TUBD1: variants seen among roughly 807,000 people sequenced by gnomAD.
The protein encoded by TUBD1 is tubulin delta 1, also known as tubulin delta chain.
TUBD1 carries 38 observed loss-of-function variants against 51.2 expected under a neutral mutation model. The observed-to-expected ratio is 0.74, with a 90% confidence interval of 0.57 to 0.97. The LOEUF is 0.97. TUBD1 is among the 50% of genes least tolerant of loss of function. The pLI, the probability that TUBD1 is intolerant of heterozygous loss-of-function variation, is 0.00. For missense variants in TUBD1, 489 were observed against 538.4 expected (o/e 0.91, Z 0.91); for synonymous variants, 169 against 178.2 (o/e 0.95, Z 0.41).
chr17:59,866,235 T>C (rs1318573995), intron 7 of TUBD1, among the ~76,000 whole-genome samples: 1 of 115,040 alleles, frequency 8.7e-6, no homozygotes, highest in East Asian at 2.5e-4. Flanking sequence ...ACAATTCTTT[T>C]TTTTTTTTTT....
intron 8 of TUBD1, 42 bp from the exon 9 acceptor site, chr17:59,860,466 A>G: frequency 7.5e-7 from 1 of 1,325,330 alleles, no homozygotes; most frequent in Non-Finnish European, 1.1e-6. Flanking sequence ...AAAATAAAAA[A>G]TGTCTGGCAA....
intron 5 of TUBD1, 57 bp from the exon 6 acceptor site, chr17:59,874,760 G>T: frequency 7.0e-7 from 1 of 1,432,954 alleles, no homozygotes; most frequent in Non-Finnish European, 9.7e-7. Flanking sequence ...GTTGCCAATA[G>T]TCTATATATA....
chr17:59,872,694 A>ATGTGTGTGTGTGTGTGTGTGTGTGTGTG (rs60720420), intron 6 of TUBD1, among the ~76,000 whole-genome samples: 3 of 142,730 alleles, frequency 2.1e-5, no homozygotes, highest in African/African-American at 7.8e-5. Flanking sequence ...GAAAATGGGA[A>ATGTGTGTGTGTGTGTGTGTGTGTGTGTG]TGTGTGTGTG....
chr17:59,866,096 G>GT (rs1434860228), intron 7 of TUBD1, among the ~76,000 whole-genome samples: 6 of 125,318 alleles, frequency 4.8e-5, no homozygotes, highest in Non-Finnish European at 9.5e-5. Context: ...GGGCAACAGA[G>GT]TGAGACCCCG....
chr17:59,868,444 C>T (rs2039817193), intron 6 of TUBD1, among the ~76,000 whole-genome samples: 1 of 151,958 alleles, frequency 6.6e-6, no homozygotes, highest in East Asian at 1.9e-4. Flanking sequence ...GCCTGTAATC[C>T]CAGCACTTTG....
chr17:59,891,710 T>C (rs375185670), intron 1 of TUBD1: 1 of 152,340 alleles, frequency 6.6e-6, no homozygotes, highest in Non-Finnish European at 1.5e-5. Flanking sequence ...GGCTCACACC[T>C]GTAATCCCAG....
At chr17:59,889,381 GAGAGGCTGGGCAC>G (rs71145586) in intron 2 of TUBD1, among the ~76,000 whole-genome samples, 21,354 of 150,728 alleles carry the variant, frequency 0.14, 1,665 homozygotes, top group Middle Eastern at 0.19. Flanking sequence ...AGAAAAGAAA[GAGAGGCTGGGCAC>G]AGTGGCTCAC....
intron 3 of TUBD1, among the ~76,000 whole-genome samples, chr17:59,883,253 A>G (rs922200358): frequency 6.9e-6 from 1 of 144,278 alleles, no homozygotes; most frequent in African/African-American, 2.6e-5. Context: ...AGGCCACCAC[A>G]CCCATCTAAT....
At chr17:59,881,153 T>C in intron 3 of TUBD1, 43 bp from the exon 4 acceptor site, 1 of 1,440,132 alleles carries the variant, frequency 6.9e-7, no homozygotes, top group Non-Finnish European at 9.8e-7. Context: ...CTTTTCAATT[T>C]AACCACAGAT....
At chr17:59,884,396 T>C (rs1598565673) in intron 3 of TUBD1, among the ~76,000 whole-genome samples, 2 of 151,968 alleles carry the variant, frequency 1.3e-5, no homozygotes, top group African/African-American at 2.4e-5. Context: ...GTGGATCACC[T>C]GAGGTCAAGA....
chr17:59,886,955 C>CG (rs1218066922), intron 2 of TUBD1, among the ~76,000 whole-genome samples: 3 of 151,920 alleles, frequency 2.0e-5, no homozygotes, highest in African/African-American at 7.3e-5. Context: ...GAGGCCGAGG[C>CG]GGGCGGATCA....
In TUBD1 at chr17:59,886,213, C is replaced by T. The variant is rs750153932; in HGVS notation, c.190G>A (p.Val64Ile). 8 of 1,610,984 alleles carry T rather than the reference C, an allele frequency of 5.0e-6. No homozygotes were observed. The African/African-American group carries it at 1.1e-4, about 22-fold the overall frequency. The change falls in exon 3 of 9, where the codon GTT (valine) becomes ATT (isoleucine). Residue 64 changes from valine to isoleucine, a missense_variant. By Grantham distance (29) the Val-to-Ile change is conservative. Coordinates refer to ENST00000325752, the MANE Select transcript of TUBD1 (RefSeq NM_016261.4). ...EENGVPIARA[V>I]LVDMEPKVIN... ...ACTTTGGGTTCCATGTCAACAAGAACAGCCCGGGCAATTGGAACTAGAGGG... is the reference window on the plus strand; with the variant it reads ...ACTTTGGGTTCCATGTCAACAAGAATAGCCCGGGCAATTGGAACTAGAGGG...
In TUBD1 at chr17:59,878,273, G is replaced by A. The variant is rs1187732511; in HGVS notation, c.599C>T (p.Ala200Val). 3 of 1,613,910 alleles carry A rather than the reference G, an allele frequency of 1.9e-6. No homozygotes were observed. The highest frequency in any genetic ancestry group is 2.5e-6 in the Non-Finnish European group (3 of 1,180,012). The change falls in exon 5 of 9, where the codon GCC becomes GTC. Residue 200 changes from alanine to valine, a missense_variant. Coordinates refer to ENST00000325752, the MANE Select transcript of TUBD1 (RefSeq NM_016261.4). ...GGCATCATTCTCATGAAGAAGGAGG[G>A]CGTCTGAAGATCGGTACAAGTGAGA... is the stretch of plus-strand genomic sequence containing the variant. ...TLSHLYRSSD[A>V]LLLHENDAIH...
At chr17:59,865,311 C>G (rs923936325) in intron 7 of TUBD1, among the ~76,000 whole-genome samples, 1 of 152,122 alleles carries the variant, frequency 6.6e-6, no homozygotes, top group African/African-American at 2.4e-5. Flanking sequence ...AATCCCAGCA[C>G]TATGGGAGGC....
intron 3 of TUBD1, among the ~76,000 whole-genome samples, chr17:59,882,611 T>G (rs2040539194): frequency 6.6e-6 from 1 of 152,070 alleles, no homozygotes; most frequent in South Asian, 2.1e-4. Flanking sequence ...TCTTTTTTCC[T>G]TTTTGAGTTA....
chr17:59,868,838 AAAAT>A (rs553719952), intron 6 of TUBD1, among the ~76,000 whole-genome samples: 5 of 151,688 alleles, frequency 3.3e-5, no homozygotes, highest in South Asian at 4.2e-4. Flanking sequence ...TCCATCTCAA[AAAAT>A]AAATAAATAA....
rs1352695223 is a variant in TUBD1 at position 59,870,389 on chromosome 17, A to C, written c.935-3640T>G. Among the ~76,000 whole-genome samples the C allele has an allele frequency of 2.0e-4, 16 of 80,386 alleles. 1 individual carries two copies. Among genetic ancestry groups the C allele is most frequent in the South Asian group, 3.1e-4 (1 of 3,190 alleles). The allele number at this position is 80,386 out of a possible 152,430, so 52.7% of individuals were successfully genotyped here. ...CCATCTCACAAAAAAAAAAAAAAAA[A>C]AAAAAAAAAAAAAAAAAATCAAAGT... is the stretch of plus-strand genomic sequence containing the variant. On this transcript the variant is annotated intron_variant, in intron 6 of 8. Coordinates refer to ENST00000325752, the MANE Select transcript of TUBD1 (RefSeq NM_016261.4).
intron 7 of TUBD1, among the ~76,000 whole-genome samples, chr17:59,864,321 T>A (rs531184711): frequency 6.6e-6 from 1 of 151,454 alleles, no homozygotes; most frequent in Non-Finnish European, 1.5e-5. Flanking sequence ...AATTGTTGTA[T>A]TTTTTGTAGA....
rs768027211 is a variant in TUBD1, at chr17:59,886,110, T to C, written c.293A>G (p.Gln98Arg). 10 of 1,614,094 alleles carry C rather than the reference T, an allele frequency of 6.2e-6. No individual in the cohort carries two copies. The Admixed American group carries it at 1.5e-4, about 24-fold the overall frequency. ...YGQHACFCQK[Q>R]GSGNNWAYGY... ...ATATGCCCAGTTGTTTCCAGAACCTTGTTTTTGACAGAAGCATGCATGTTG... is the reference window on the plus strand; with the variant it reads ...ATATGCCCAGTTGTTTCCAGAACCTCGTTTTTGACAGAAGCATGCATGTTG... Residue 98 changes from glutamine (Q) to arginine (R), a missense_variant, in exon 3 of 9, where the codon CAA becomes CGA. Coordinates refer to ENST00000325752, the MANE Select transcript of TUBD1 (RefSeq NM_016261.4).
Sources: gnomAD v4.1 joint callset for allele counts (sites outside exome capture counted in the v4.1 genomes callset) on GRCh38, gnomAD v4.1.1 for gene constraint, MANE v1.5 for transcripts, NCBI Gene and HGNC (gene_info 2026-07-23, HGNC 2026-07-21) for gene names.